AGFG1: variants seen among roughly 807,000 people sequenced by gnomAD.
The protein encoded by AGFG1 is ArfGAP with FG repeats 1.
A neutral mutation model predicts 60.6 loss-of-function variants in AGFG1; 10 were observed. The ratio of observed to expected loss-of-function variants is 0.16; its 90% CI spans 0.10 to 0.28. The LOEUF is 0.28. Ranked by LOEUF, AGFG1 falls within the 10% of genes least tolerant of loss-of-function variation. AGFG1 has a pLI of 1.00. For missense variants in AGFG1, 537 were observed against 676.5 expected, an observed-to-expected ratio of 0.79 and a Z score of 2.29; for synonymous variants, 247 against 242.9, an observed-to-expected ratio of 1.02 and a Z score of -0.16.
At chr2:227,542,135 A>G (rs909578397) in intron 10 of AGFG1, among the ~76,000 whole-genome samples, 3 of 152,106 alleles carry the variant, frequency 2.0e-5, no homozygotes, top group African/African-American at 7.2e-5. Context: ...CTCTTTTCCT[A>G]ATTGAATACC....
At position 227,555,571 on chromosome 2, in the gene AGFG1, G is replaced by A. The variant is rs1162941574; in HGVS notation, c.*1076G>A. On this transcript the variant is annotated 3_prime_UTR_variant, in exon 13 of 13. Transcript: ENST00000310078. ...TTTTCTTTCTTTTTTTGGGCAAACT[G>A]ATATTATCTATAGGATATTTGTTTA... 6.6e-6 allele frequency: 1 copy of A among 152,362 alleles called. No homozygotes were observed. The highest frequency in any genetic ancestry group is 1.5e-5 in the Non-Finnish European group (1 of 67,956). 9.4% of individuals were successfully genotyped at this position (152,362 alleles called of 1,614,324 possible).
At position 227,560,550 on chromosome 2, in the gene AGFG1, C is replaced by T. The variant is rs1280103250; in HGVS notation, c.*6055C>T. 6.6e-6 allele frequency: 1 copy of T among 152,064 alleles called. No homozygotes were observed. The highest frequency in any genetic ancestry group is 1.5e-5 in the Non-Finnish European group (1 of 67,952). 9.4% of individuals were successfully genotyped at this position (152,064 alleles called of 1,614,324 possible). ...TTTTGCACCTTAATTTTTTCATTGT[C>T]CCTACTCATGACTCTAAAAAGTGCA... On this transcript the variant is annotated 3_prime_UTR_variant, in exon 13 of 13. Transcript: ENST00000310078.
In AGFG1 at chr2:227,472,505, G is replaced by A. The variant is rs768003023; in HGVS notation, c.84G>A (p.Lys28=). ...RDMTGLPHNR[K]CFDCDQRGPT... ...TGACCGGCCTCCCGCACAACCGAAA[G>A]TGCTTCGACTGCGACCAGCGCGGCC... The change falls in exon 1 of 13, where the codon AAG becomes AAA. Residue 28 remains lysine, a synonymous_variant. Transcript: ENST00000310078. 5 of 1,582,766 alleles carry A rather than the reference G, an allele frequency of 3.2e-6. No homozygotes were observed. Among genetic ancestry groups the A allele is most frequent in the South Asian group, 1.1e-5 (1 of 89,132 alleles).
chr2:227,494,100 C>A (rs1342033727), intron 2 of AGFG1, among the ~76,000 whole-genome samples: 2 of 152,112 alleles, frequency 1.3e-5, no homozygotes, highest in African/African-American at 4.8e-5. Flanking sequence ...ATCTTAGAAC[C>A]AAAATAATGG....
At chr2:227,473,865 T>G (rs1159258838) in intron 1 of AGFG1, among the ~76,000 whole-genome samples, 4 of 152,190 alleles carry the variant, frequency 2.6e-5, no homozygotes, top group Admixed American at 6.6e-5. Flanking sequence ...AGCAGACATT[T>G]TTTTTGGTGC....
At chr2:227,505,331 A>G (rs1402231211) in intron 2 of AGFG1, among the ~76,000 whole-genome samples, 1 of 152,142 alleles carries the variant, frequency 6.6e-6, no homozygotes, top group Non-Finnish European at 1.5e-5. Flanking sequence ...CTTGTGGTTG[A>G]TGATGATCTT....
At chr2:227,521,501 G>A (rs888983223) in intron 3 of AGFG1, among the ~76,000 whole-genome samples, 1 of 152,166 alleles carries the variant, frequency 6.6e-6, no homozygotes, top group Admixed American at 6.5e-5. Context: ...ACTAGAAGGT[G>A]GGTTGGTAGT....
At chr2:227,529,152 C>T (rs1692087567) in intron 5 of AGFG1, among the ~76,000 whole-genome samples, 1 of 151,984 alleles carries the variant, frequency 6.6e-6, no homozygotes, top group Admixed American at 6.6e-5. Flanking sequence ...ATTTTTCCTT[C>T]TACTATGGTT....
chr2:227,529,289 C>A (rs148918005), intron 5 of AGFG1, among the ~76,000 whole-genome samples: 1,821 of 152,082 alleles, frequency 0.012, 27 homozygotes, highest in African/African-American at 0.022. Flanking sequence ...ATATATAGTT[C>A]AGAAAGTCAT....
chr2:227,479,835 A>G (rs1401329295), intron 1 of AGFG1, among the ~76,000 whole-genome samples: 1 of 152,264 alleles, frequency 6.6e-6, no homozygotes, highest in African/African-American at 2.4e-5. Flanking sequence ...CACGAGAACT[A>G]TTGCTAAAGA....
In AGFG1 at chr2:227,516,378, A is replaced by G. The variant is rs56095623; in HGVS notation, c.262-3570A>G. On this transcript the variant is annotated intron_variant, in intron 2 of 12. Coordinates refer to ENST00000310078, the MANE Select transcript of AGFG1 (RefSeq NM_004504.5). ...GTTACTTCACTTGAGTAAGAATTCA[A>G]CTGTCAAGAGTGTTAAGATTGGTTA... 6.3e-3 allele frequency among the ~76,000 whole-genome samples: 957 copies of G among 152,302 alleles called. 10 individuals are homozygous for G. Among genetic ancestry groups the G allele is most frequent in the African/African-American group, 0.021 (890 of 41,564 alleles).
intron 2 of AGFG1, among the ~76,000 whole-genome samples, chr2:227,512,007 T>C (rs1256070054): frequency 6.6e-6 from 1 of 152,144 alleles, no homozygotes; most frequent in Non-Finnish European, 1.5e-5. Flanking sequence ...GAATTTGATT[T>C]TTACGTTAAG....
intron 1 of AGFG1, among the ~76,000 whole-genome samples, chr2:227,489,819 C>CT (rs35139576): frequency 0.14 from 19,790 of 144,700 alleles, 1,348 homozygotes; most frequent in Admixed American, 0.16. Context: ...AGCAAAAATA[C>CT]TTTTTTTTTT....
At chr2:227,530,691 ATAGTTGAT>A (rs571499675) in intron 5 of AGFG1, among the ~76,000 whole-genome samples, 68 of 150,046 alleles carry the variant, frequency 4.5e-4, no homozygotes, top group African/African-American at 1.5e-3. Context: ...TCAGATTCAC[ATAGTTGAT>A]TACCATTTTT....
At chr2:227,544,998 T>G (rs560836937) in intron 10 of AGFG1, among the ~76,000 whole-genome samples, 7 of 152,202 alleles carry the variant, frequency 4.6e-5, no homozygotes, top group Non-Finnish European at 1.0e-4. Context: ...AATTTGAAGG[T>G]TGGCTTGCCT....
In AGFG1 at chr2:227,549,464, T is replaced by C. The variant is rs553174794; in HGVS notation, c.1379-2495T>C. Among the ~76,000 whole-genome samples, 7 of 152,354 alleles carry C rather than the reference T, an allele frequency of 4.6e-5. No individual in the cohort carries two copies. In the South Asian group the frequency reaches 1.4e-3, roughly 32 times the overall value. ...GAGTAAGATCTGTACAAGATGCCTT[T>C]TTCTTTTTTCTCTCTTCTTTTCAGC... On this transcript the variant is annotated intron_variant, in intron 10 of 12. Coordinates refer to ENST00000310078, the MANE Select transcript of AGFG1 (RefSeq NM_004504.5).
At chr2:227,501,265 G>C (rs1167519853) in intron 2 of AGFG1, among the ~76,000 whole-genome samples, 4 of 152,148 alleles carry the variant, frequency 2.6e-5, no homozygotes, top group Admixed American at 2.6e-4. Context: ...ATTTTTAGTA[G>C]AGATGGGGTT....
intron 2 of AGFG1, among the ~76,000 whole-genome samples, chr2:227,501,885 T>G (rs12468475): frequency 0.65 from 99,017 of 151,402 alleles, 32,273 homozygotes; most frequent in South Asian, 0.75. Context: ...TTGAGGTAGG[T>G]TCTTACTCTG....
chr2:227,507,217 T>C (rs1259771100), intron 2 of AGFG1, among the ~76,000 whole-genome samples: 1 of 152,188 alleles, frequency 6.6e-6, no homozygotes, highest in African/African-American at 2.4e-5. Flanking sequence ...GCTGTTTTTT[T>C]ACTCCTGTTT....
Sources: gnomAD v4.1 joint callset for allele counts (sites outside exome capture counted in the v4.1 genomes callset) on GRCh38, gnomAD v4.1.1 for gene constraint, MANE v1.5 for transcripts, NCBI Gene and HGNC (gene_info 2026-07-23, HGNC 2026-07-21) for gene names.